UNC80: variants seen among roughly 807,000 people sequenced by gnomAD.
The protein encoded by UNC80 is unc-80 subunit of NALCN channel complex.
A neutral mutation model predicts 384.6 loss-of-function variants in UNC80; 164 were observed. The observed-to-expected ratio is 0.43, with a 90% CI of 0.38 to 0.49. The LOEUF (loss-of-function observed/expected upper bound fraction) is 0.49. UNC80 is among the 20% of genes least tolerant of loss of function. The probability of loss-of-function intolerance (pLI) is 0.00; values close to 1 mark genes in which losing one functional copy is unlikely to be tolerated. For missense variants in UNC80, 3,330 were observed against 4,143.0 expected, an observed-to-expected ratio of 0.80 and a Z score of 5.39; for synonymous variants, 1,486 against 1,527.8, an observed-to-expected ratio of 0.97 and a Z score of 0.64.
chr2:209,936,663 T>C (rs1191747208), intron 40 of UNC80, among the ~76,000 whole-genome samples, 181 bp from the exon 41 acceptor site: 6 of 151,800 alleles, frequency 4.0e-5, no homozygotes, highest in African/African-American at 1.5e-4. Context: ...TGTGTGTATG[T>C]GTATACACAT....
rs1465302475 is a variant in UNC80 at position 209,772,054 on chromosome 2, A to T, written c.-19A>T. The T allele has an allele frequency of 1.3e-6, 2 of 1,539,600 alleles. No homozygotes were observed. The highest frequency in any genetic ancestry group is 2.8e-5 in the African/African-American group (2 of 72,560). On this transcript the variant is annotated 5_prime_UTR_variant, in exon 1 of 65. Coordinates refer to ENST00000673920, the MANE Select transcript of UNC80 (RefSeq NM_001371986.1). ...AGACAGAGCTGGGTCCTGCAGTAGGACTCCCGGGAGCCACCATTATGGTGA... is the reference window on the plus strand; with the variant it reads ...AGACAGAGCTGGGTCCTGCAGTAGGTCTCCCGGGAGCCACCATTATGGTGA...
intron 5 of UNC80, among the ~76,000 whole-genome samples, chr2:209,787,020 C>CA (rs2077482113): frequency 1.0e-5 from 1 of 98,984 alleles, no homozygotes; most frequent in African/African-American, 4.2e-5. Context: ...TATATATATA[C>CA]CTATATATTT....
intron 53 of UNC80, 77 bp downstream of exon 53, chr2:209,969,968 A>G (rs908046380): frequency 8.6e-6 from 13 of 1,515,732 alleles, no homozygotes; most frequent in Admixed American, 8.3e-5. Flanking sequence ...TTGAAGATTT[A>G]CAGGTCAACC....
At chr2:209,908,937 C>G (rs1303031168) in intron 29 of UNC80, among the ~76,000 whole-genome samples, 1 of 152,094 alleles carries the variant, frequency 6.6e-6, no homozygotes, top group Non-Finnish European at 1.5e-5. Context: ...CTCAGAGAGC[C>G]CAGTAGGCTG....
At chr2:209,940,796 G>A (rs1393248452) in intron 43 of UNC80, among the ~76,000 whole-genome samples, 1 of 152,056 alleles carries the variant, frequency 6.6e-6, no homozygotes, top group Non-Finnish European at 1.5e-5. Flanking sequence ...CAGACAGAAC[G>A]ACAGAGCGAG....
At chr2:209,879,279 C>G (rs1456072613) in intron 24 of UNC80, among the ~76,000 whole-genome samples, 1 of 152,166 alleles carries the variant, frequency 6.6e-6, no homozygotes, top group African/African-American at 2.4e-5. Flanking sequence ...AGAAGGCATT[C>G]TAAGCCATCC....
chr2:209,887,081 G>A (rs1427555992), intron 25 of UNC80, among the ~76,000 whole-genome samples: 1 of 151,760 alleles, frequency 6.6e-6, no homozygotes, highest in Non-Finnish European at 1.5e-5. Context: ...TTGTTGCCCA[G>A]GCTGGAGTGC....
At chr2:209,890,440 C>T (rs142641658) in intron 26 of UNC80, among the ~76,000 whole-genome samples, 1 of 152,216 alleles carries the variant, frequency 6.6e-6, no homozygotes, top group African/African-American at 2.4e-5. Flanking sequence ...GTTAAAAGAT[C>T]TTGTCACTCA....
intron 25 of UNC80, among the ~76,000 whole-genome samples, chr2:209,886,730 C>T (rs530026596): frequency 6.6e-6 from 1 of 152,340 alleles, no homozygotes; most frequent in African/African-American, 2.4e-5. Context: ...CCTTTCCCCA[C>T]TTGTTTGCCA....
rs2084408986 is a variant in UNC80 at position 209,872,747 on chromosome 2, A to C, written c.3628-11A>C. The C allele has an allele frequency of 6.4e-7, 1 of 1,550,696 alleles. No individual in the cohort carries two copies. Among genetic ancestry groups the C allele is most frequent in the Non-Finnish European group, 8.7e-7 (1 of 1,146,186 alleles). ...ATCCCACATTATTCTTTCCTAAACA[A>C]CCCTACACAGGAAGCCCCTGTGGTG... On this transcript the variant is annotated splice_polypyrimidine_tract_variant and intron_variant, in intron 22 of 64. Coordinates refer to ENST00000673920, the MANE Select transcript of UNC80 (RefSeq NM_001371986.1). This position sits in a 1 kb window ranked among gnomAD's most constrained non-coding sequence, Gnocchi z 4.1.
chr2:209,842,363 G>C lies in UNC80; in HGVS notation c.3371G>C (p.Ser1124Thr), dbSNP rs749053111. ...IRQSSKVKFT[S>T]AVKLSEGGPG... ...TTCTTTTTTCAGGTCAAATTCACTA[G>C]TGCTGTGAAGCTTTCTGAAGGTGGG... Residue 1124 changes from serine (S) to threonine (T), a missense_variant, in exon 21 of 65, where the codon AGT (serine) becomes ACT (threonine). By Grantham distance (58) the Ser-to-Thr change is moderately conservative. Around this residue, in one of 8 missense-constraint regions of UNC80, gnomAD observed 801 missense variants for 950.8 expected, o/e 0.84. Coordinates refer to ENST00000673920, the MANE Select transcript of UNC80 (RefSeq NM_001371986.1). 1 of 1,549,616 alleles carries C rather than the reference G, an allele frequency of 6.5e-7. No individual in the cohort carries two copies. Among genetic ancestry groups the C allele is most frequent in the Admixed American group, 2.0e-5 (1 of 50,850 alleles).
chr2:209,956,498 G>A (rs571310699), intron 48 of UNC80, among the ~76,000 whole-genome samples: 1 of 152,116 alleles, frequency 6.6e-6, no homozygotes, highest in Non-Finnish European at 1.5e-5. Context: ...CATTGAGAAG[G>A]CACCTGCATT....
intron 21 of UNC80, among the ~76,000 whole-genome samples, chr2:209,848,469 G>T (rs550222803): frequency 6.6e-6 from 1 of 152,042 alleles, no homozygotes; most frequent in African/African-American, 2.4e-5. Context: ...GTGTTCAAAC[G>T]TAGGCAAAAA....
At chr2:209,938,304 G>A (rs2091382037) in intron 42 of UNC80, among the ~76,000 whole-genome samples, 1 of 152,056 alleles carries the variant, frequency 6.6e-6, no homozygotes, top group Non-Finnish European at 1.5e-5. Context: ...TTTTAATATT[G>A]CATATTTATT....
At chr2:209,954,576 A>G in intron 48 of UNC80, 1 of 211,850 alleles carries the variant, frequency 4.7e-6, no homozygotes, top group South Asian at 1.8e-4. Context: ...TGGTAAACAC[A>G]TCTTGTGTAA....
chr2:209,941,552 C>T (rs1414192479), intron 44 of UNC80, 63 bp downstream of exon 44: 1 of 1,414,506 alleles, frequency 7.1e-7, no homozygotes, highest in Non-Finnish European at 9.4e-7. Context: ...TCTAGCCGTT[C>T]AACTAGATCT....
chr2:209,824,131 G>A lies in UNC80; in HGVS notation c.2332-1776G>A, dbSNP rs542483252. On this transcript the variant is annotated intron_variant, in intron 13 of 64. Coordinates refer to ENST00000673920, the MANE Select transcript of UNC80 (RefSeq NM_001371986.1). ...TCTCATTATATATATGCAAATATTC[G>A]AAAATCTGAAAAAATCTGAAATCCA... Among the ~76,000 whole-genome samples the A allele has an allele frequency of 6.4e-4, 97 of 152,140 alleles. 1 individual carries two copies. The highest frequency in any genetic ancestry group is 3.3e-3 in the East Asian group (17 of 5,176).
intron 17 of UNC80, 71 bp from the exon 18 acceptor site, chr2:209,834,841 A>G: frequency 7.9e-7 from 1 of 1,263,414 alleles, no homozygotes; most frequent in Non-Finnish European, 1.1e-6. Context: ...GTTTTGTTTT[A>G]TGAAGTGTAT....
rs1000976645 is a variant in UNC80 at position 209,976,619 on chromosome 2, G to T, written c.8773-294G>T. ...GTTTGGAGAATCTTCTATCTTCAGTGACATGACTGAGATCTGATTTTAAAT... is the reference window on the plus strand; with the variant it reads ...GTTTGGAGAATCTTCTATCTTCAGTTACATGACTGAGATCTGATTTTAAAT... On this transcript the variant is annotated intron_variant, in intron 57 of 64. Coordinates refer to ENST00000673920, the MANE Select transcript of UNC80 (RefSeq NM_001371986.1). The surrounding 1 kb of genome is among the most constrained non-coding windows in gnomAD (Gnocchi z 4.3). 6.6e-6 allele frequency among the ~76,000 whole-genome samples: 1 copy of T among 151,676 alleles called. No homozygotes were observed. The highest frequency in any genetic ancestry group is 1.5e-5 in the Non-Finnish European group (1 of 68,016).
Sources: gnomAD v4.1 joint callset for allele counts (sites outside exome capture counted in the v4.1 genomes callset) on GRCh38, gnomAD v4.1.1 for gene constraint, gnomAD v4.1.1 regional missense constraint, Gnocchi (gnomAD v3.1) non-coding constraint, MANE v1.5 for transcripts, NCBI Gene and HGNC (gene_info 2026-07-23, HGNC 2026-07-21) for gene names.